RAB3GAP1: variants seen among roughly 807,000 people sequenced by gnomAD.
RAB3GAP1 encodes RAB3 GTPase activating protein catalytic subunit 1.
In RAB3GAP1, 86 loss-of-function variants were observed where a neutral mutation model predicts 130.7. The observed-to-expected ratio is 0.66, with a 90% CI of 0.55 to 0.79. The LOEUF (loss-of-function observed/expected upper bound fraction) is 0.79, where lower values mean the gene tolerates loss of function less well. RAB3GAP1 is among the 30% of genes least tolerant of loss of function. The probability of loss-of-function intolerance (pLI) is 0.00; values close to 1 mark genes in which losing one functional copy is unlikely to be tolerated. For missense variants in RAB3GAP1, 1,029 were observed against 1,169.4 expected (o/e 0.88, Z 1.75); for synonymous variants, 367 against 401.7 (o/e 0.91, Z 1.03).
chr2:135,172,196 G>A (rs560557703), downstream of RAB3GAP1, among the ~76,000 whole-genome samples: 5 of 152,142 alleles, frequency 3.3e-5, no homozygotes, highest in East Asian at 3.9e-4. Context: ...TTGGGAGGCC[G>A]AGGCGGGCGG....
At chr2:135,058,134 C>T in intron 3 of RAB3GAP1, 48 bp downstream of exon 3, 2 of 1,478,174 alleles carry the variant, frequency 1.4e-6, no homozygotes, top group South Asian at 2.3e-5. Flanking sequence ...ACTTTGAAAC[C>T]TCTATTTTCC....
chr2:135,148,541 C>T (rs1321860412), intron 17 of RAB3GAP1, among the ~76,000 whole-genome samples: 1 of 146,748 alleles, frequency 6.8e-6, no homozygotes, highest in East Asian at 2.0e-4. Context: ...GTTACCGAGG[C>T]CTGAGTGCAG....
intron 4 of RAB3GAP1, among the ~76,000 whole-genome samples, chr2:135,091,334 G>A (rs1690135877): frequency 1.3e-5 from 2 of 152,030 alleles, no homozygotes; most frequent in Non-Finnish European, 2.9e-5. Flanking sequence ...TATTTATTGA[G>A]TACCTAACAT....
At chr2:135,076,323 C>T (rs1689634305) in intron 3 of RAB3GAP1, among the ~76,000 whole-genome samples, 1 of 152,176 alleles carries the variant, frequency 6.6e-6, no homozygotes, top group Non-Finnish European at 1.5e-5. Context: ...ATACTTTTTC[C>T]ACATATGGTA....
intron 22 of RAB3GAP1, among the ~76,000 whole-genome samples, chr2:135,164,126 A>T (rs911257969): frequency 4.6e-5 from 7 of 152,246 alleles, no homozygotes; most frequent in Admixed American, 1.3e-4. Flanking sequence ...ACAGTTTACA[A>T]TTGCGACTTT....
intron 17 of RAB3GAP1, among the ~76,000 whole-genome samples, chr2:135,148,232 G>A (rs1328610660): frequency 6.6e-6 from 1 of 152,132 alleles, no homozygotes; most frequent in African/African-American, 2.4e-5. Flanking sequence ...AATGATCCCA[G>A]TTGAAACCAA....
At chr2:135,112,820 T>C (rs1260131181) in intron 5 of RAB3GAP1, among the ~76,000 whole-genome samples, 1 of 133,746 alleles carries the variant, frequency 7.5e-6, no homozygotes, top group Non-Finnish European at 1.5e-5. Flanking sequence ...TCAAAGTCTC[T>C]CTCTCTCTCT....
At chr2:135,059,791 AT>A (rs1406502991) in intron 3 of RAB3GAP1, among the ~76,000 whole-genome samples, 1 of 152,174 alleles carries the variant, frequency 6.6e-6, no homozygotes, top group African/African-American at 2.4e-5. Flanking sequence ...GTAGAGGCTA[AT>A]GAAGTCATAG....
rs184873123 is a variant in RAB3GAP1, at chr2:135,161,751, A to T, written c.2290-804A>T. ...TAATAAAACAGTATGTAAGTTATTA[A>T]TTTTTGTTAAGAAATTACATATGCA... is the stretch of plus-strand genomic sequence containing the variant. On this transcript the variant is annotated intron_variant, in intron 19 of 23. Coordinates refer to ENST00000264158, the MANE Select transcript of RAB3GAP1 (RefSeq NM_012233.3). Among the ~76,000 whole-genome samples the T allele has an allele frequency of 1.2e-3, 190 of 152,350 alleles. 2 individuals are homozygous for T. The highest frequency in any genetic ancestry group is 4.0e-3 in the African/African-American group (167 of 41,590).
intron 3 of RAB3GAP1, among the ~76,000 whole-genome samples, chr2:135,064,821 A>G (rs1479530516): frequency 2.8e-5 from 4 of 145,202 alleles, no homozygotes; most frequent in African/African-American, 1.0e-4. Context: ...TATGAAATGT[A>G]GAGACGAAAT....
At chr2:135,172,425 ACT>A (rs1692879628), downstream of RAB3GAP1, among the ~76,000 whole-genome samples, 2 of 147,142 alleles carry the variant, frequency 1.4e-5, no homozygotes, top group Non-Finnish European at 1.5e-5. Flanking sequence ...ACAGAGTGAG[ACT>A]CTGTCTCAAA....
rs2305594 is a variant in RAB3GAP1, at chr2:135,133,038, G to C, written c.1326+54G>C. ...ATGTTTTAAATGCACTGAATTTCTAGAGGTTCTATATATTTCTAGTTTAAT... is the reference window on the plus strand; with the variant it reads ...ATGTTTTAAATGCACTGAATTTCTACAGGTTCTATATATTTCTAGTTTAAT... On this transcript the variant is annotated intron_variant, in intron 14 of 23. Transcript: ENST00000264158. 115,847 of 1,068,816 alleles carry C rather than the reference G, an allele frequency of 0.11. 9,447 individuals carry two copies. The highest frequency in any genetic ancestry group is 0.28 in the South Asian group (22,501 of 79,202). The allele number at this position is 1,068,816 out of a possible 1,614,324, so 66.2% of individuals were successfully genotyped here.
Position 135,169,136 on chromosome 2 carries a change from C to T in RAB3GAP1, c.*355C>T, listed in dbSNP as rs1350846187. 1 of 379,096 alleles carries T rather than the reference C, an allele frequency of 2.6e-6. No homozygotes were observed. Among genetic ancestry groups the T allele is most frequent in the Non-Finnish European group, 5.1e-6 (1 of 197,340 alleles). The allele number at this position is 379,096 out of a possible 1,614,324, so 23.5% of individuals were successfully genotyped here. On this transcript the variant is annotated 3_prime_UTR_variant, in exon 24 of 24. Transcript: ENST00000264158. ...CAGCCTCTAGGCTAGCGGCTGCATT[C>T]GTGGTCTGTGCAAACACTTCGTGGT...
intron 3 of RAB3GAP1, among the ~76,000 whole-genome samples, chr2:135,074,269 G>T (rs939288629): frequency 6.6e-6 from 1 of 152,296 alleles, no homozygotes; most frequent in African/African-American, 2.4e-5. Context: ...GGTTTGCCCT[G>T]GTCAAGCTTC....
downstream of RAB3GAP1, among the ~76,000 whole-genome samples, chr2:135,172,180 A>G (rs1006572913): frequency 3.3e-5 from 5 of 152,164 alleles, no homozygotes; most frequent in South Asian, 6.2e-4. Context: ...CTGTAATCCC[A>G]GCACTTTGGG....
intron 5 of RAB3GAP1, among the ~76,000 whole-genome samples, chr2:135,109,873 C>T (rs1226365921): frequency 1.3e-5 from 2 of 152,140 alleles, no homozygotes; most frequent in Non-Finnish European, 2.9e-5. Flanking sequence ...TGAGCCACCG[C>T]TCCCGGCCTT....
At chr2:135,155,783 AATTCCT>A (rs1260312714) in intron 19 of RAB3GAP1, among the ~76,000 whole-genome samples, 1 of 152,172 alleles carries the variant, frequency 6.6e-6, no homozygotes, top group Non-Finnish European at 1.5e-5. Flanking sequence ...AAATGAATTA[AATTCCT>A]AACTAAAAAC....
chr2:135,168,752 G>T lies in RAB3GAP1; in HGVS notation c.2917G>T (p.Ala973Ser). Residue 973 changes from alanine to serine, a missense_variant, in exon 24 of 24, where the codon GCC becomes TCC. Transcript: ENST00000264158. ...CAAAGAGGACTTTAGACTTGCAGGT[G>T]CCTTTTCATCAGATACTTCCTTCTT... ...LTKEDFRLAGAFSSDTSFF is the reference protein window; with the variant it reads ...LTKEDFRLAGSFSSDTSFF 1 of 1,614,106 alleles carries T rather than the reference G, an allele frequency of 6.2e-7. No homozygotes were observed. The highest frequency in any genetic ancestry group is 8.5e-7 in the Non-Finnish European group (1 of 1,179,948).
chr2:135,078,667 CCCCTCCCCTCCCCTCCCCTCCCCTG>C lies in RAB3GAP1; in HGVS notation c.151-12315_151-12291del, dbSNP rs1455275849. Among the ~76,000 whole-genome samples the C allele has an allele frequency of 1.1e-3, 38 of 35,572 alleles. 1 individual carries two copies. The highest frequency in any genetic ancestry group is 3.7e-3 in the African/African-American group (22 of 5,884). 23.3% of individuals were successfully genotyped at this position (35,572 alleles called of 152,430 possible). A position where few individuals can be genotyped will look rare whatever the true frequency, so the allele number is the denominator to read the frequency against. ...TTAGTCCCCTCCCCTCCCCTCCCCT[CCCCTCCCCTCCCCTCCCCTCCCCTG>C]CCCTCCCCTCCCCTCTCCTTTCCTT... is the stretch of plus-strand genomic sequence containing the variant. On this transcript the variant is annotated intron_variant, in intron 3 of 23. Transcript: ENST00000264158.
Sources: allele counts gnomAD v4.1 joint callset (sites outside exome capture counted in the v4.1 genomes callset), GRCh38; gene constraint gnomAD v4.1.1; transcripts MANE v1.5; gene names NCBI Gene and HGNC (gene_info 2026-07-23, HGNC 2026-07-21).